Variants in KCNJ5 observed in about 807,000 individuals in gnomAD.
KCNJ5 encodes potassium inwardly rectifying channel subfamily J member 5, also known as G protein-activated inward rectifier potassium channel 4.
KCNJ5 carries 12 observed loss-of-function variants against 20.2 expected under a neutral mutation model. That is an observed-to-expected ratio of 0.59 (90% CI 0.38 to 0.96). The LOEUF (loss-of-function observed/expected upper bound fraction) is 0.96, where lower values mean the gene tolerates loss of function less well. Among genes scored for constraint, KCNJ5 ranks in the 40% least tolerant of loss-of-function variants. The probability of loss-of-function intolerance (pLI) is 0.00; values close to 1 mark genes in which losing one functional copy is unlikely to be tolerated. For synonymous variants in KCNJ5, 210 were observed against 213.9 expected (o/e 0.98, Z 0.16); for missense variants, 449 against 557.6 (o/e 0.81, Z 1.96).
chr11:128,917,010 G>A lies in KCNJ5; in HGVS notation c.*279G>A, dbSNP rs536987556. ...GAGTTTCCCCATGGTGAATGTTACC[G>A]GATGGCATCTGTTCTCTCCATGCCC... On this transcript the variant is annotated 3_prime_UTR_variant, in exon 3 of 3. Transcript: ENST00000529694. 1.3e-4 allele frequency: 53 copies of A among 401,734 alleles called. 1 individual carries two copies. Among genetic ancestry groups the A allele is most frequent in the South Asian group, 1.1e-3 (26 of 23,656 alleles). The allele number at this position is 401,734 out of a possible 1,614,324, so 24.9% of individuals were successfully genotyped here.
intron 2 of KCNJ5, among the ~76,000 whole-genome samples, chr11:128,913,912 C>A (rs1230876911): frequency 6.6e-6 from 1 of 152,202 alleles, no homozygotes; most frequent in African/African-American, 2.4e-5. Flanking sequence ...GGGACTCAGA[C>A]CCAGACTGCA....
chr11:128,913,828 C>A (rs1478571819), intron 2 of KCNJ5, among the ~76,000 whole-genome samples: 1 of 152,234 alleles, frequency 6.6e-6, no homozygotes, highest in African/African-American at 2.4e-5. Context: ...CTCTGCCCCA[C>A]TAAAATACTA....
intron 1 of KCNJ5, among the ~76,000 whole-genome samples, chr11:128,908,731 G>A (rs1213340617): frequency 1.3e-5 from 2 of 152,150 alleles, no homozygotes; most frequent in South Asian, 2.1e-4. Context: ...CATGTGCCCC[G>A]GCCAATGACT....
Position 128,891,419 on chromosome 11 carries a change from CACACACACACACACACACACACAGAGAG to C in KCNJ5, c.-311_-284del, listed in dbSNP as rs1329675626. On this transcript the variant is annotated 5_prime_UTR_variant, in exon 1 of 3. Transcript: ENST00000529694. ...GGGGACACACACACACACACACACA[CACACACACACACACACACACACAGAGAG>C]AGAGAGAGAGAGAGAGAGAGAGAGA... The C allele has an allele frequency of 2.7e-5, 3 of 112,332 alleles. No homozygotes were observed. Among genetic ancestry groups the C allele is most frequent in the African/African-American group, 1.2e-4 (3 of 24,502 alleles). 7.0% of individuals were successfully genotyped at this position (112,332 alleles called of 1,614,324 possible). A position where few individuals can be genotyped will look rare whatever the true frequency, so the allele number is the denominator to read the frequency against.
chr11:128,916,315 T>C lies in KCNJ5; in HGVS notation c.938-94T>C, dbSNP rs1485979133. ...CTGGATGGATGGATGGATGGATAGA[T>C]GGATGGATGGATGGATTGATGGATG... On this transcript the variant is annotated intron_variant, in intron 2 of 2. Coordinates refer to ENST00000529694, the MANE Select transcript of KCNJ5 (RefSeq NM_000890.5). 1.2e-5 allele frequency: 11 copies of C among 914,962 alleles called. No individual in the cohort carries two copies. In the East Asian group the frequency reaches 1.2e-4, roughly 10 times the overall value. 56.7% of individuals were successfully genotyped at this position (914,962 alleles called of 1,614,324 possible). A position where few individuals can be genotyped will look rare whatever the true frequency, so the allele number is the denominator to read the frequency against.
chr11:128,919,330 A>G lies in KCNJ5; in HGVS notation c.*2599A>G, dbSNP rs2258440. On this transcript the variant is annotated 3_prime_UTR_variant, in exon 3 of 3. Transcript: ENST00000529694. ...CCAGGGCCCTCCGTGAGCCAGGACC[A>G]GGTCACATCTCTCAGCCAAGTCTAG... is the stretch of plus-strand genomic sequence containing the variant. 125,538 of 152,388 alleles carry G rather than the reference A, an allele frequency of 0.82. 51,806 individuals are homozygous for G. The highest frequency in any genetic ancestry group is 0.9 in the East Asian group (4,645 of 5,162). The allele number at this position is 152,388 out of a possible 1,614,324, so 9.4% of individuals were successfully genotyped here.
chr11:128,895,303 G>T (rs1195626983), intron 1 of KCNJ5, among the ~76,000 whole-genome samples: 4 of 152,118 alleles, frequency 2.6e-5, no homozygotes, highest in African/African-American at 9.7e-5. Context: ...AAATGGGAGT[G>T]GGGTGCAGTG....
chr11:128,903,135 C>G (rs1944320270), intron 1 of KCNJ5, among the ~76,000 whole-genome samples: 1 of 152,118 alleles, frequency 6.6e-6, no homozygotes, highest in African/African-American at 2.4e-5. Flanking sequence ...CTACCATGTC[C>G]CCCAAACCCA....
At chr11:128,914,959 G>A (rs1944556094) in intron 2 of KCNJ5, among the ~76,000 whole-genome samples, 1 of 152,356 alleles carries the variant, frequency 6.6e-6, no homozygotes, top group East Asian at 1.9e-4. Flanking sequence ...GGTAACGACT[G>A]AAGGGAGAGG....
At chr11:128,902,793 A>C in intron 1 of KCNJ5, 1 of 1,464,006 alleles carries the variant, frequency 6.8e-7, no homozygotes, top group Non-Finnish European at 9.2e-7. Context: ...AGCCTAACTC[A>C]CAACGCAGCC....
rs778753531 is a variant in KCNJ5, at chr11:128,918,317, G to C, written c.*1586G>C. ...GCAAGCGGGGTCAGCAGGAGAATTC[G>C]GGGGCAGGGTGAGTGTTAAGAAAAA... On this transcript the variant is annotated 3_prime_UTR_variant, in exon 3 of 3. Transcript: ENST00000529694. The C allele has an allele frequency of 6.6e-6, 1 of 152,246 alleles. No individual in the cohort carries two copies. The highest frequency in any genetic ancestry group is 1.5e-5 in the Non-Finnish European group (1 of 68,062). The allele number at this position is 152,246 out of a possible 1,614,324, so 9.4% of individuals were successfully genotyped here.
At chr11:128,904,506 G>A (rs774092548) in intron 1 of KCNJ5, 10 of 1,551,722 alleles carry the variant, frequency 6.4e-6, no homozygotes, top group Non-Finnish European at 8.9e-6. Flanking sequence ...ATGGCAGCGT[G>A]CGTCCAGGGC....
Position 128,911,926 on chromosome 11 carries a change from T to C in KCNJ5, c.653T>C (p.Met218Thr). The C allele has an allele frequency of 6.2e-7, 1 of 1,602,060 alleles. No homozygotes were observed. The highest frequency in any genetic ancestry group is 8.5e-7 in the Non-Finnish European group (1 of 1,172,054). The change falls in exon 2 of 3, where the codon ATG becomes ACG. Residue 218 changes from methionine (M) to threonine (T), a missense_variant. Transcript: ENST00000529694. This position sits in a 1 kb window ranked among gnomAD's most constrained non-coding sequence, Gnocchi z 6.3. Reference sequence around the variant, plus strand: ...ATGCGGGACGAGAAGCTGTGCCTCATGTTCCGGGTGGGCGACCTCCGCAAC... The same window carrying C: ...ATGCGGGACGAGAAGCTGTGCCTCACGTTCCGGGTGGGCGACCTCCGCAAC... ...ISMRDEKLCL[M>T]FRVGDLRNSH... is the part of the protein sequence containing the mutation.
At position 128,916,262 on chromosome 11, in the gene KCNJ5, ATGGATGGATGGATGGATGAACAGATGAC is replaced by A. The variant is rs1944580234; in HGVS notation, c.938-128_938-101del. The stretch of plus-strand genomic sequence containing the variant: ...GATGATTAGATGGATGGATGGATGG[ATGGATGGATGGATGGATGAACAGATGAC>A]TGGATGGATGGATGGATGGATAGAT... On this transcript the variant is annotated intron_variant, in intron 2 of 2. Coordinates refer to ENST00000529694, the MANE Select transcript of KCNJ5 (RefSeq NM_000890.5). 11 of 680,986 alleles carry A rather than the reference ATGGATGGATGGATGGATGAACAGATGAC, an allele frequency of 1.6e-5. No individual in the cohort carries two copies. In the South Asian group the frequency reaches 1.7e-4, roughly 10 times the overall value. The allele number at this position is 680,986 out of a possible 1,614,324, so 42.2% of individuals were successfully genotyped here.
chr11:128,914,548 C>A (rs1040914839), intron 2 of KCNJ5, among the ~76,000 whole-genome samples: 1 of 152,302 alleles, frequency 6.6e-6, no homozygotes, highest in East Asian at 1.9e-4. Flanking sequence ...GCACATGCAG[C>A]CAGGTGTGGG....
intron 1 of KCNJ5, chr11:128,904,628 C>T (rs1191540341): frequency 4.1e-5 from 30 of 738,152 alleles, no homozygotes; most frequent in Middle Eastern, 3.1e-4. Context: ...AATCAGAACC[C>T]GCATTTTAGC....
intron 1 of KCNJ5, chr11:128,902,754 G>T: frequency 6.4e-7 from 1 of 1,562,998 alleles, no homozygotes; most frequent in Non-Finnish European, 8.7e-7. Flanking sequence ...GAATTCAGTG[G>T]CACTACCACA....
At chr11:128,900,355 G>A (rs984565170) in intron 1 of KCNJ5, 1 of 152,076 alleles carries the variant, frequency 6.6e-6, no homozygotes, top group African/African-American at 2.4e-5. Context: ...CAGTATTTTG[G>A]TTTCTTTAAT....
At position 128,911,215 on chromosome 11, in the gene KCNJ5, A is replaced by T; in HGVS notation, c.-10-49A>T. The T allele has an allele frequency of 6.8e-7, 1 of 1,472,544 alleles. No individual in the cohort carries two copies. The highest frequency in any genetic ancestry group is 9.5e-7 in the Non-Finnish European group (1 of 1,053,502). The allele number at this position is 1,472,544 out of a possible 1,614,324, so 91.2% of individuals were successfully genotyped here. On this transcript the variant is annotated intron_variant, in intron 1 of 2. Transcript: ENST00000529694. This position sits in a 1 kb window ranked among gnomAD's most constrained non-coding sequence, Gnocchi z 6.3. ...GGGGTGGCCTTCCATCTTGTGTTCT[A>T]GTGAATCAGAACAGCCCACTTCACT...
Sources: gnomAD v4.1 joint callset for allele counts (sites outside exome capture counted in the v4.1 genomes callset) on GRCh38, gnomAD v4.1.1 for gene constraint, Gnocchi (gnomAD v3.1) non-coding constraint, MANE v1.5 for transcripts, NCBI Gene and HGNC (gene_info 2026-07-23, HGNC 2026-07-21) for gene names.